Variants in MIA2 observed in about 807,000 individuals in gnomAD.
MIA2 encodes the protein melanoma inhibitory activity protein 2.
MIA2 carries 127 observed loss-of-function variants against 167.8 expected under a neutral mutation model. The ratio of observed to expected loss-of-function variants is 0.76; its 90% CI spans 0.66 to 0.88. The LOEUF is 0.88. Among genes scored for constraint, MIA2 ranks in the 40% least tolerant of loss-of-function variants. The pLI is 0.00. For missense variants in MIA2, 1,690 were observed against 1,624.7 expected (o/e 1.04, Z -0.69); for synonymous variants, 552 against 541.9 (o/e 1.02, Z -0.26).
At chr14:39,315,049 G>A (rs1021064415) in intron 20 of MIA2, 2 of 311,274 alleles carry the variant, frequency 6.4e-6, no homozygotes, top group African/African-American at 2.2e-5. Flanking sequence ...TTGGGAAGCC[G>A]AAGTGGGTGG....
rs993587499 is a variant in MIA2, at chr14:39,260,963, G to A, written c.1887+7792G>A. ...TTCCCAGCACCATTTATTAAATAGG[G>A]GATCCTTTCCCCGTTTCTTGTTTTT... On this transcript the variant is annotated intron_variant, in intron 6 of 28. Coordinates refer to ENST00000640607, the MANE Select transcript of MIA2 (RefSeq NM_001329214.4). Among the ~76,000 whole-genome samples, 4 of 151,624 alleles carry A rather than the reference G, an allele frequency of 2.6e-5. 1 individual carries two copies. The highest frequency in any genetic ancestry group is 9.7e-5 in the African/African-American group (4 of 41,142).
At chr14:39,236,234 A>G (rs1439447306) in intron 1 of MIA2, among the ~76,000 whole-genome samples, 3 of 152,244 alleles carry the variant, frequency 2.0e-5, no homozygotes, top group Non-Finnish European at 2.9e-5. Flanking sequence ...ATTAAAGTTC[A>G]GAGAAAGGGC....
rs776932267 is a variant in MIA2 at position 39,247,889 on chromosome 14, A to C, written c.1315A>C (p.Ile439Leu). Residue 439 changes from isoleucine (I) to leucine (L), a missense_variant, in exon 4 of 29, where the codon ATA becomes CTA. Physicochemically the swap from Ile to Leu is conservative, Grantham distance 5. Coordinates refer to ENST00000640607, the MANE Select transcript of MIA2 (RefSeq NM_001329214.4). ...TIKIIETEDQ[I>L]DKKPVSEKTD... ...AAAAATTATAGAAACAGAAGATCAA[A>C]TAGACAAGAAACCAGTCTCAGAAAA... 1 of 1,589,878 alleles carries C rather than the reference A, an allele frequency of 6.3e-7. No homozygotes were observed. The highest frequency in any genetic ancestry group is 1.9e-5 in the Admixed American group (1 of 52,488).
intron 25 of MIA2, among the ~76,000 whole-genome samples, chr14:39,335,949 T>C (rs972713410): frequency 1.3e-5 from 2 of 152,256 alleles, no homozygotes; most frequent in African/African-American, 4.8e-5. Context: ...TTCTTTCTTA[T>C]GGCTGTGTAG....
Position 39,301,987 on chromosome 14 carries a change from T to C in MIA2, c.2620-142T>C, listed in dbSNP as rs1367651907. ...TACCATTTCTCAAGACTACAATATCTTAATAAGAGGTGGAAAATAAGAGCT... is the reference window on the plus strand; with the variant it reads ...TACCATTTCTCAAGACTACAATATCCTAATAAGAGGTGGAAAATAAGAGCT... On this transcript the variant is annotated intron_variant, in intron 14 of 28. Transcript: ENST00000640607. 7.2e-6 allele frequency: 7 copies of C among 966,128 alleles called. No homozygotes were observed. In the Admixed American group the frequency reaches 1.9e-4, roughly 26 times the overall value. The allele number at this position is 966,128 out of a possible 1,614,324, so 59.8% of individuals were successfully genotyped here. A position where few individuals can be genotyped will look rare whatever the true frequency, so the allele number is the denominator to read the frequency against.
At chr14:39,267,394 C>G (rs888134122) in intron 6 of MIA2, 5 of 1,606,686 alleles carry the variant, frequency 3.1e-6, no homozygotes, top group South Asian at 1.1e-5. Flanking sequence ...TGTGTGTTCT[C>G]CGCCGTTTAT....
intron 21 of MIA2, among the ~76,000 whole-genome samples, chr14:39,316,083 A>G (rs2065368598): frequency 6.6e-6 from 1 of 152,204 alleles, no homozygotes; most frequent in African/African-American, 2.4e-5. Context: ...TAACAATGGG[A>G]TTAGATTAAG....
intron 9 of MIA2, among the ~76,000 whole-genome samples, chr14:39,288,464 T>TTTTTG (rs1566748196): frequency 6.6e-5 from 2 of 30,404 alleles, no homozygotes; most frequent in Non-Finnish European, 1.3e-4. Flanking sequence ...TATATATATA[T>TTTTTG]ATATATATAT....
At position 39,246,999 on chromosome 14, in the gene MIA2, AT is replaced by A. The variant is rs1453028994; in HGVS notation, c.426del (p.Pro143LeufsTer19). On this transcript the variant is annotated frameshift_variant, in exon 4 of 29. Coordinates refer to ENST00000640607, the MANE Select transcript of MIA2 (RefSeq NM_001329214.4). LOFTEE classifies it high-confidence loss of function. Reference sequence around the variant, plus strand: ...AACGGTGATTATGGTGAAAATATATATCCTTATGAAGAAGATAAAGATGAAA... The same window carrying A: ...AACGGTGATTATGGTGAAAATATATACCTTATGAAGAAGATAAAGATGAAA... ...ELNGDYGENIYPYEEDKDEKS... is the reference protein window; with the variant it reads ...ELNGDYGENIXPYEEDKDEKS... 5 of 1,577,834 alleles carry A rather than the reference AT, an allele frequency of 3.2e-6. No homozygotes were observed. The Admixed American group carries it at 5.8e-5, about 18-fold the overall frequency.
intron 25 of MIA2, among the ~76,000 whole-genome samples, chr14:39,340,861 T>A (rs1185672306): frequency 2.6e-5 from 4 of 152,230 alleles, no homozygotes; most frequent in Non-Finnish European, 5.9e-5. Flanking sequence ...ACTTTAAAAA[T>A]CTGTGTTTAA....
At chr14:39,384,804 ACAC>A (rs952219220) in intron 23 of MIA2, among the ~76,000 whole-genome samples, 60 of 151,750 alleles carry the variant, frequency 4.0e-4, no homozygotes, top group African/African-American at 1.4e-3. Context: ...ACACACACAC[ACAC>A]ATCTTATTTT....
intron 6 of MIA2, chr14:39,265,414 AG>A: frequency 6.2e-7 from 1 of 1,611,274 alleles, no homozygotes; most frequent in Non-Finnish European, 8.5e-7. Flanking sequence ...AAAAGTCCAG[AG>A]GAAGAGGTGA....
chr14:39,306,103 T>A (rs1402835273), intron 17 of MIA2, among the ~76,000 whole-genome samples: 1 of 148,680 alleles, frequency 6.7e-6, no homozygotes, highest in Admixed American at 6.7e-5. Flanking sequence ...GGTCAATGAA[T>A]TTTTTTTTTT....
At chr14:39,257,485 G>A (rs945721776) in intron 6 of MIA2, among the ~76,000 whole-genome samples, 18 of 151,538 alleles carry the variant, frequency 1.2e-4, no homozygotes, top group Non-Finnish European at 2.1e-4. Context: ...GTCTTTGCAC[G>A]TGAGATGGGT....
At chr14:39,315,554 A>C in intron 20 of MIA2, 129 bp from the exon 21 acceptor site, 1 of 660,862 alleles carries the variant, frequency 1.5e-6, no homozygotes. Flanking sequence ...TTGCTTTAAA[A>C]ATGTTGCCTA....
rs760598013 is a variant in MIA2 at position 39,234,172 on chromosome 14, C to T, written c.58C>T (p.Leu20=). The part of the protein sequence containing the change: ...LLLAISLTKC[L]ESTKLLADLK... ...TCTGGCTATTTCTCTGACAAAGTGT[C>T]TGGAGAGTACAAAACTGCTGGCAGA... Residue 20 remains leucine, a synonymous_variant, in exon 1 of 29, where the codon CTG becomes TTG. Coordinates refer to ENST00000640607, the MANE Select transcript of MIA2 (RefSeq NM_001329214.4). 3.1e-6 allele frequency: 5 copies of T among 1,610,040 alleles called. No individual in the cohort carries two copies. In the Admixed American group the frequency reaches 8.4e-5, roughly 27 times the overall value.
chr14:39,352,752 T>G (rs1317891492), downstream of MIA2, among the ~76,000 whole-genome samples: 1 of 152,222 alleles, frequency 6.6e-6, no homozygotes, highest in Non-Finnish European at 1.5e-5. Flanking sequence ...TAAGGTTATT[T>G]AAATAGACTA....
intron 25 of MIA2, among the ~76,000 whole-genome samples, chr14:39,329,828 C>T (rs774919683): frequency 6.6e-6 from 1 of 152,056 alleles, no homozygotes; most frequent in Non-Finnish European, 1.5e-5. Flanking sequence ...CCAACTTGAT[C>T]GTGGTGGGTA....
intron 17 of MIA2, among the ~76,000 whole-genome samples, chr14:39,307,165 A>G (rs1472195537): frequency 2.0e-5 from 3 of 152,030 alleles, no homozygotes; most frequent in Admixed American, 6.6e-5. Context: ...GAATTTAAGT[A>G]TTATTAAGAG....
Sources: allele counts gnomAD v4.1 joint callset (sites outside exome capture counted in the v4.1 genomes callset), GRCh38; gene constraint gnomAD v4.1.1; transcripts MANE v1.5; gene names NCBI Gene and HGNC (gene_info 2026-07-23, HGNC 2026-07-21).